The following HDAC4 variants were observed in gnomAD, a reference collection of about 807,000 sequenced individuals.
The protein encoded by HDAC4 is histone deacetylase 4.
In HDAC4, 16 loss-of-function variants were observed where a neutral mutation model predicts 135.1. The ratio of observed to expected loss-of-function variants is 0.12; its 90% CI spans 0.08 to 0.18. The LOEUF is 0.18. HDAC4 is among the 10% of genes least tolerant of loss of function. HDAC4 has a pLI of 1.00. For synonymous variants in HDAC4, 685 were observed against 653.4 expected, an observed-to-expected ratio of 1.05 and a Z score of -0.74; for missense variants, 1,143 against 1,511.8, an observed-to-expected ratio of 0.76 and a Z score of 4.05.
chr2:239,373,004 C>G (rs1312144721), intron 1 of HDAC4, among the ~76,000 whole-genome samples: 1 of 152,198 alleles, frequency 6.6e-6, no homozygotes, highest in East Asian at 1.9e-4. Context: ...CACTCATGGG[C>G]ACAGACTTTC....
intron 24 of HDAC4, among the ~76,000 whole-genome samples, chr2:239,065,483 A>G (rs1442729420): frequency 6.6e-6 from 1 of 152,192 alleles, no homozygotes; most frequent in East Asian, 1.9e-4. Context: ...CTGCTTCCAG[A>G]GAAGTCCCCC....
At chr2:239,064,358 G>A (rs1039100772) in intron 24 of HDAC4, among the ~76,000 whole-genome samples, 23 of 152,226 alleles carry the variant, frequency 1.5e-4, no homozygotes, top group Non-Finnish European at 2.6e-4. Flanking sequence ...GGAGGGGCCC[G>A]GAGGATGCCC....
intron 7 of HDAC4, among the ~76,000 whole-genome samples, chr2:239,147,730 AGT>A (rs1450194567): frequency 2.6e-5 from 4 of 152,388 alleles, no homozygotes; most frequent in African/African-American, 9.6e-5. Flanking sequence ...TTCCAAATGC[AGT>A]GTCTGCTCCT....
intron 2 of HDAC4, among the ~76,000 whole-genome samples, chr2:239,274,460 G>C (rs1219786053): frequency 6.6e-6 from 1 of 152,168 alleles, no homozygotes; most frequent in Admixed American, 6.5e-5. Context: ...CGCAAGAGAT[G>C]GGAATGAGCC....
intron 22 of HDAC4, among the ~76,000 whole-genome samples, chr2:239,070,628 C>T (rs1212512914): frequency 6.6e-6 from 1 of 152,230 alleles, no homozygotes; most frequent in Non-Finnish European, 1.5e-5. Flanking sequence ...GAATCAGGGC[C>T]TCCCTTTCCT....
chr2:239,208,269 G>A (rs1442372226), intron 3 of HDAC4, among the ~76,000 whole-genome samples: 40 of 143,728 alleles, frequency 2.8e-4, no homozygotes, highest in African/African-American at 1.0e-3. Context: ...GGAGCCTGCA[G>A]TGAGCCGAGA....
rs778007358 is a variant in HDAC4, at chr2:239,068,503, T to C, written c.2855A>G (p.Asn952Ser). 1.2e-6 allele frequency: 2 copies of C among 1,612,850 alleles called. No individual in the cohort carries two copies. The highest frequency in any genetic ancestry group is 1.7e-6 in the Non-Finnish European group (2 of 1,179,168). The change falls in exon 23 of 27, where the codon AAC (asparagine) becomes AGC (serine). Residue 952 changes from asparagine to serine, a missense_variant. Transcript: ENST00000543185. The surrounding 1 kb of genome is among the most constrained non-coding windows in gnomAD (Gnocchi z 4.4). ...EGHPTPLGGY[N>S]LSARCFGYLT... Reference sequence around the variant, plus strand: ...GAACCACTTACATCTGGCGGAGAGGTTGTAGCCCCCAAGAGGGGTGGGGTG... The same window carrying C: ...GAACCACTTACATCTGGCGGAGAGGCTGTAGCCCCCAAGAGGGGTGGGGTG...
At position 239,096,341 on chromosome 2, in the gene HDAC4, C is replaced by T. The variant is rs181263749; in HGVS notation, c.2234-1285G>A. Among the ~76,000 whole-genome samples the T allele has an allele frequency of 5.7e-3, 755 of 132,870 alleles. 14 individuals carry two copies. Among genetic ancestry groups the T allele is most frequent in the African/African-American group, 0.019 (695 of 35,768 alleles). 87.2% of individuals were successfully genotyped at this position (132,870 alleles called of 152,430 possible). A position where few individuals can be genotyped will look rare whatever the true frequency, so the allele number is the denominator to read the frequency against. On this transcript the variant is annotated intron_variant, in intron 16 of 26. Coordinates refer to ENST00000543185, the MANE Select transcript of HDAC4 (RefSeq NM_001378414.1). The stretch of plus-strand genomic sequence containing the variant: ...CACGGATGCCCGCACCCCCTACGGA[C>T]GCCCACACCCCACCGACAGATGCCT...
At chr2:239,247,598 C>G (rs1049483506) in intron 2 of HDAC4, among the ~76,000 whole-genome samples, 1 of 152,244 alleles carries the variant, frequency 6.6e-6, no homozygotes, top group Non-Finnish European at 1.5e-5. Flanking sequence ...AACCACTATA[C>G]AGACGAACCA....
chr2:239,099,093 C>A (rs2037381293), intron 16 of HDAC4, among the ~76,000 whole-genome samples: 2 of 152,226 alleles, frequency 1.3e-5, no homozygotes, highest in South Asian at 4.1e-4. Flanking sequence ...TTTTGATCAT[C>A]TCTCTTAAAC....
Position 239,049,759 on chromosome 2 carries a change from C to T in HDAC4, c.*3338G>A, listed in dbSNP as rs1428791077. On this transcript the variant is annotated 3_prime_UTR_variant, in exon 27 of 27. Coordinates refer to ENST00000543185, the MANE Select transcript of HDAC4 (RefSeq NM_001378414.1). ...CCTCCAGAACCAGAGCCCTGGGACG[C>T]TGGGGAGGGGCGGCCAGTCCCAGCG... is the stretch of plus-strand genomic sequence containing the variant. 6.6e-6 allele frequency: 1 copy of T among 152,252 alleles called. No homozygotes were observed. Among genetic ancestry groups the T allele is most frequent in the Non-Finnish European group, 1.5e-5 (1 of 68,022 alleles). 9.4% of individuals were successfully genotyped at this position (152,252 alleles called of 1,614,324 possible). A position where few individuals can be genotyped will look rare whatever the true frequency, so the allele number is the denominator to read the frequency against.
chr2:239,051,077 G>GT lies in HDAC4; in HGVS notation c.*2019dup, dbSNP rs1252859379. 6.5e-6 allele frequency: 1 copy of GT among 152,678 alleles called. No homozygotes were observed. The highest frequency in any genetic ancestry group is 2.4e-5 in the African/African-American group (1 of 41,468). 9.5% of individuals were successfully genotyped at this position (152,678 alleles called of 1,614,324 possible). A position where few individuals can be genotyped will look rare whatever the true frequency, so the allele number is the denominator to read the frequency against. ...CTATCCTGACGATGTGGTCAGAGAA[G>GT]TTTAAACATGAGTTTCATTAATGCT... On this transcript the variant is annotated 3_prime_UTR_variant, in exon 27 of 27. Coordinates refer to ENST00000543185, the MANE Select transcript of HDAC4 (RefSeq NM_001378414.1).
intron 7 of HDAC4, among the ~76,000 whole-genome samples, chr2:239,151,530 C>T (rs2042118695): frequency 6.6e-6 from 1 of 152,020 alleles, no homozygotes; most frequent in South Asian, 2.1e-4. Flanking sequence ...GAGGGCAGAG[C>T]TAGATGAACA....
chr2:239,297,560 G>A (rs943017215), intron 2 of HDAC4, among the ~76,000 whole-genome samples: 7 of 152,192 alleles, frequency 4.6e-5, no homozygotes, highest in East Asian at 1.9e-4. Flanking sequence ...TTTCCTTAAC[G>A]GAGGGAATCC....
intron 2 of HDAC4, among the ~76,000 whole-genome samples, chr2:239,256,885 T>TG (rs5839737): frequency 0.26 from 39,770 of 152,106 alleles, 7,072 homozygotes; most frequent in East Asian, 0.56. Context: ...ATTCCATTTG[T>TG]TAGAATGCAG....
At chr2:239,175,136 C>T (rs2043676602) in intron 5 of HDAC4, among the ~76,000 whole-genome samples, 1 of 152,184 alleles carries the variant, frequency 6.6e-6, no homozygotes, top group Non-Finnish European at 1.5e-5. Flanking sequence ...TTTAACTGAG[C>T]ATGTAAGTCC....
chr2:239,111,413 T>C, intron 14 of HDAC4, 113 bp downstream of exon 14: 3 of 1,101,158 alleles, frequency 2.7e-6, no homozygotes, highest in Non-Finnish European at 4.0e-6. Flanking sequence ...GTGGCCCTCG[T>C]GCCTGCCCAG....
intron 1 of HDAC4, among the ~76,000 whole-genome samples, chr2:239,398,460 AAG>A (rs1696714123): frequency 6.6e-6 from 1 of 152,246 alleles, no homozygotes; most frequent in Non-Finnish European, 1.5e-5. Context: ...GTTAAAAGGA[AAG>A]AGTTATAACA....
rs1235390104 is a variant in HDAC4, at chr2:239,349,153, C to A, written c.22+3525G>T. Among the ~76,000 whole-genome samples, 1 of 152,164 alleles carries A rather than the reference C, an allele frequency of 6.6e-6. No homozygotes were observed. Among genetic ancestry groups the A allele is most frequent in the Non-Finnish European group, 1.5e-5 (1 of 68,018 alleles). On this transcript the variant is annotated intron_variant, in intron 2 of 26. Coordinates refer to ENST00000543185, the MANE Select transcript of HDAC4 (RefSeq NM_001378414.1). The surrounding 1 kb of genome is among the most constrained non-coding windows in gnomAD (Gnocchi z 5.7). ...GAGCAGGGCCCCCATGCCAGATGGG[C>A]AGGCAAGGGTGAGCCAGGCAGGCAA...
Sources: allele counts gnomAD v4.1 joint callset (sites outside exome capture counted in the v4.1 genomes callset), GRCh38; gene constraint gnomAD v4.1.1; non-coding constraint Gnocchi (gnomAD v3.1); transcripts MANE v1.5; gene names NCBI Gene and HGNC (gene_info 2026-07-23, HGNC 2026-07-21).